The following VWC2L variants were observed in gnomAD, a reference collection of about 807,000 sequenced individuals.
VWC2L encodes the protein von Willebrand factor C domain containing 2 like.
Under a neutral mutation model 21.6 loss-of-function variants are expected in VWC2L, and 10 were observed. That is an observed-to-expected ratio of 0.46 (90% CI 0.29 to 0.78). The LOEUF is 0.78. Ranked by LOEUF, VWC2L falls within the 30% of genes least tolerant of loss-of-function variation. The probability of loss-of-function intolerance (pLI) is 0.10; values close to 1 mark genes in which losing one functional copy is unlikely to be tolerated. For missense variants in VWC2L, 209 were observed against 277.1 expected (o/e 0.75, Z 1.74); for synonymous variants, 96 against 94.3 (o/e 1.02, Z -0.10).
At chr2:214,482,407 A>G (rs1688614950) in intron 3 of VWC2L, among the ~76,000 whole-genome samples, 1 of 151,868 alleles carries the variant, frequency 6.6e-6, no homozygotes, top group Non-Finnish European at 1.5e-5. Flanking sequence ...CCCCAGTACC[A>G]GCATGGAGAA....
intron 3 of VWC2L, among the ~76,000 whole-genome samples, chr2:214,507,132 AC>A (rs1688978888): frequency 6.6e-6 from 1 of 152,186 alleles, no homozygotes; most frequent in South Asian, 2.1e-4. Flanking sequence ...GTGGACTTCT[AC>A]CACAATTAAA....
chr2:214,457,760 AT>A (rs1703078189), intron 3 of VWC2L, among the ~76,000 whole-genome samples: 2 of 152,106 alleles, frequency 1.3e-5, no homozygotes, highest in Non-Finnish European at 2.9e-5. Context: ...GATATGATGT[AT>A]CACATTTATG....
rs2105928655 is a variant in VWC2L, at chr2:214,559,537, C to T, written c.521-16135C>T. Among the ~76,000 whole-genome samples, 4 of 152,120 alleles carry T rather than the reference C, an allele frequency of 2.6e-5. No individual in the cohort carries two copies. In the South Asian group the frequency reaches 8.3e-4, roughly 32 times the overall value. On this transcript the variant is annotated intron_variant, in intron 3 of 3. Transcript: ENST00000312504. Reference sequence around the variant, plus strand: ...ACTTTCTTAAGGCACCCGTCTTGGACTTCTACACTAGATTAAATCCCCTTA... The same window carrying T: ...ACTTTCTTAAGGCACCCGTCTTGGATTTCTACACTAGATTAAATCCCCTTA...
At chr2:214,541,173 ATGTCC>A (rs1689620611) in intron 3 of VWC2L, among the ~76,000 whole-genome samples, 1 of 152,120 alleles carries the variant, frequency 6.6e-6, no homozygotes, top group Non-Finnish European at 1.5e-5. Flanking sequence ...GAAGAGCATT[ATGTCC>A]TCTATTCAGC....
chr2:214,493,414 A>C (rs1688770914), intron 3 of VWC2L, among the ~76,000 whole-genome samples: 1 of 152,186 alleles, frequency 6.6e-6, no homozygotes, highest in African/African-American at 2.4e-5. Context: ...AGTAGGTAAA[A>C]TTTTATGCAT....
At chr2:214,526,848 A>G (rs1323053938) in intron 3 of VWC2L, among the ~76,000 whole-genome samples, 1 of 152,224 alleles carries the variant, frequency 6.6e-6, no homozygotes, top group Non-Finnish European at 1.5e-5. Flanking sequence ...CAGCAATCCC[A>G]TTACTGCATA....
chr2:214,488,010 A>G (rs1005480060), intron 3 of VWC2L, among the ~76,000 whole-genome samples: 1 of 152,168 alleles, frequency 6.6e-6, no homozygotes, highest in African/African-American at 2.4e-5. Flanking sequence ...CTCCTCCAAA[A>G]TAAGTATATG....
At chr2:214,450,775 T>C (rs965576653) in intron 3 of VWC2L, among the ~76,000 whole-genome samples, 5 of 152,086 alleles carry the variant, frequency 3.3e-5, no homozygotes, top group Admixed American at 6.6e-5. Flanking sequence ...CTGAGGGGAA[T>C]GGTTGCCCTT....
chr2:214,415,826 A>G (rs1702346253), intron 2 of VWC2L, among the ~76,000 whole-genome samples: 1 of 152,148 alleles, frequency 6.6e-6, no homozygotes, highest in South Asian at 2.1e-4. Context: ...TAGACATGTT[A>G]TTCTCGACTT....
At chr2:214,549,766 C>T (rs1024035039) in intron 3 of VWC2L, among the ~76,000 whole-genome samples, 2 of 152,138 alleles carry the variant, frequency 1.3e-5, no homozygotes, top group African/African-American at 4.8e-5. Flanking sequence ...AGCGAGACTC[C>T]GTCTCAAAAC....
rs140799851 is a variant in VWC2L at position 214,491,399 on chromosome 2, T to G, written c.520+54641T>G. Among the ~76,000 whole-genome samples, 1,028 of 152,274 alleles carry G rather than the reference T, an allele frequency of 6.8e-3. 11 individuals carry two copies. Among genetic ancestry groups the G allele is most frequent in the African/African-American group, 0.024 (980 of 41,548 alleles). On this transcript the variant is annotated intron_variant, in intron 3 of 3. Coordinates refer to ENST00000312504, the MANE Select transcript of VWC2L (RefSeq NM_001080500.4). ...CAGAGCACGAGCAATGGGTTAAATT[T>G]GGATGGAATAAGGTTTTCCATGAGG... is the stretch of plus-strand genomic sequence containing the variant.
At chr2:214,490,389 C>A (rs1196109400) in intron 3 of VWC2L, among the ~76,000 whole-genome samples, 2 of 150,242 alleles carry the variant, frequency 1.3e-5, no homozygotes, top group East Asian at 3.9e-4. Context: ...CAGTGTAGAT[C>A]ATATGTCTAC....
chr2:214,561,809 T>TATATATATATATATATATATATACAC (rs1489588765), intron 3 of VWC2L, among the ~76,000 whole-genome samples: 32 of 127,180 alleles, frequency 2.5e-4, no homozygotes, highest in East Asian at 1.1e-3. Context: ...TATATATATA[T>TATATATATATATATATATATATACAC]ACACACACAT....
At chr2:214,536,875 T>A (rs932604596) in intron 3 of VWC2L, 1 of 151,912 alleles carries the variant, frequency 6.6e-6, no homozygotes, top group Non-Finnish European at 1.5e-5. Flanking sequence ...CCTAAATAAA[T>A]GTTTAATACT....
intron 2 of VWC2L, among the ~76,000 whole-genome samples, chr2:214,422,679 G>C (rs1260672430): frequency 2.0e-5 from 3 of 152,174 alleles, no homozygotes; most frequent in African/African-American, 7.2e-5. Context: ...AGTAATTTCA[G>C]TCTAACACAC....
chr2:214,470,649 C>G (rs568456067), intron 3 of VWC2L, among the ~76,000 whole-genome samples: 1 of 152,028 alleles, frequency 6.6e-6, no homozygotes, highest in Non-Finnish European at 1.5e-5. Flanking sequence ...TGGCTCACAC[C>G]TGTAATCCCA....
chr2:214,434,902 A>G (rs1022348121), intron 2 of VWC2L, among the ~76,000 whole-genome samples: 1 of 152,210 alleles, frequency 6.6e-6, no homozygotes, highest in Non-Finnish European at 1.5e-5. Context: ...TTCAACAAGA[A>G]GGGAACCAGA....
At chr2:214,533,828 A>T (rs1325285611) in intron 3 of VWC2L, among the ~76,000 whole-genome samples, 2 of 152,146 alleles carry the variant, frequency 1.3e-5, no homozygotes, top group African/African-American at 4.8e-5. Flanking sequence ...AAATTGTTGG[A>T]GTTATCTAAG....
chr2:214,475,316 T>G (rs1475560912), intron 3 of VWC2L, among the ~76,000 whole-genome samples: 1 of 152,134 alleles, frequency 6.6e-6, no homozygotes, highest in Non-Finnish European at 1.5e-5. Context: ...TTGTATTATT[T>G]GAACATGGAT....
Sources: allele counts gnomAD v4.1 joint callset (sites outside exome capture counted in the v4.1 genomes callset), GRCh38; gene constraint gnomAD v4.1.1; transcripts MANE v1.5; gene names NCBI Gene and HGNC (gene_info 2026-07-23, HGNC 2026-07-21).